The following NKX2-8 variants were observed in gnomAD, a reference collection of about 807,000 sequenced individuals.
NKX2-8 encodes homeobox protein Nkx-2.8.
Under a neutral mutation model 6.4 loss-of-function variants are expected in NKX2-8, and 8 were observed. The observed-to-expected ratio is 1.24, with a 90% CI of 0.73 to 2.24. The LOEUF is 2.24. NKX2-8 is among the 30% of genes most tolerant of loss of function. The pLI is 0.00. For missense variants in NKX2-8, 406 were observed against 351.1 expected (o/e 1.16, Z -1.25); for synonymous variants, 216 against 171.5 (o/e 1.26, Z -2.03).
In NKX2-8 at chr14:36,581,601, C is replaced by G; in HGVS notation, c.158-137G>C. On this transcript the variant is annotated intron_variant, in intron 1 of 1. Transcript: ENST00000258829. This position sits in a 1 kb window ranked among gnomAD's most constrained non-coding sequence, Gnocchi z 5.6. ...GAGACTTTCGGGATGAGGCCATTTC[C>G]TGAGTCCACATCTGGACATCCACCT... 1.4e-6 allele frequency: 1 copy of G among 710,320 alleles called. No individual in the cohort carries two copies. The highest frequency in any genetic ancestry group is 2.3e-6 in the Non-Finnish European group (1 of 432,860). 44.0% of individuals were successfully genotyped at this position (710,320 alleles called of 1,614,324 possible).
At position 36,581,233 on chromosome 14, in the gene NKX2-8, A is replaced by G. The variant is rs916630347; in HGVS notation, c.389T>C (p.Ile130Thr). Reference protein sequence around the residue: ...LLRLTPTQVKIWFQNHRYKLK... With the variant: ...LLRLTPTQVKTWFQNHRYKLK... The stretch of plus-strand genomic sequence containing the variant: ...CTTGTAGCGATGATTCTGGAACCAG[A>G]TCTTGACCTGCGTGGGCGTGAGGCG... Residue 130 changes from isoleucine (I) to threonine (T), a missense_variant, in exon 2 of 2, where the codon ATC (isoleucine) becomes ACC (threonine). Coordinates refer to ENST00000258829, the MANE Select transcript of NKX2-8 (RefSeq NM_014360.4). This position sits in a 1 kb window ranked among gnomAD's most constrained non-coding sequence, Gnocchi z 5.6. The G allele has an allele frequency of 6.2e-7, 1 of 1,611,244 alleles. No individual in the cohort carries two copies.
chr14:36,580,959 G>A lies in NKX2-8; in HGVS notation c.663C>T (p.Gly221=), dbSNP rs936248420. 3 of 1,348,644 alleles carry A rather than the reference G, an allele frequency of 2.2e-6. No individual in the cohort carries two copies. Among genetic ancestry groups the A allele is most frequent in the Non-Finnish European group, 2.8e-6 (3 of 1,059,628 alleles). 83.5% of individuals were successfully genotyped at this position (1,348,644 alleles called of 1,614,324 possible). ...YPAFGPGSAL[G]LFPAYQHLAS... is the part of the protein sequence containing the mutation. ...CTAAGTGCTGGTAGGCGGGGAAGAG[G>A]CCAAGCGCCGAGCCGGGACCGAAGG... The change falls in exon 2 of 2, where the codon GGC becomes GGT. Residue 221 remains glycine, a synonymous_variant. Coordinates refer to ENST00000258829, the MANE Select transcript of NKX2-8 (RefSeq NM_014360.4).
Position 36,582,359 on chromosome 14 carries a change from C to T in NKX2-8, c.31G>A (p.Val11Met), listed in dbSNP as rs775973523. The change falls in exon 1 of 2, where the codon GTG becomes ATG. Residue 11 changes from valine to methionine, a missense_variant. Physicochemically the swap from Val to Met is conservative, Grantham distance 21 (BLOSUM62 1). Coordinates refer to ENST00000258829, the MANE Select transcript of NKX2-8 (RefSeq NM_014360.4). ...TCGGGTAAATCTAGAAGGCTGCGCA[C>T]GGTGAAGCTCAGGCGTCCAGAGGTG... Reference protein sequence around the residue: MATSGRLSFTVRSLLDLPEQD... With the variant: MATSGRLSFTMRSLLDLPEQD... 2.5e-6 allele frequency: 4 copies of T among 1,579,984 alleles called. No homozygotes were observed. Among genetic ancestry groups the T allele is most frequent in the Non-Finnish European group, 3.5e-6 (4 of 1,159,328 alleles).
rs978455348 is a variant in NKX2-8, at chr14:36,580,988, G to T, written c.634C>A (p.Pro212Thr). 1.2e-5 allele frequency: 16 copies of T among 1,354,040 alleles called. No individual in the cohort carries two copies. Among genetic ancestry groups the T allele is most frequent in the Non-Finnish European group, 1.4e-5 (15 of 1,062,186 alleles). 83.9% of individuals were successfully genotyped at this position (1,354,040 alleles called of 1,614,324 possible). A position where few individuals can be genotyped will look rare whatever the true frequency, so the allele number is the denominator to read the frequency against. The change falls in exon 2 of 2, where the codon CCT becomes ACT. Residue 212 changes from proline to threonine, a missense_variant. Transcript: ENST00000258829. ...AGCGCCGAGCCGGGACCGAAGGCAG[G>T]GTAGCCCGGCAGAGGGCAGGCGGCG... ...PAAACPLPGY[P>T]AFGPGSALGL...
Position 36,580,883 on chromosome 14 carries a change from C to A in NKX2-8, c.*19G>T. The stretch of plus-strand genomic sequence containing the variant: ...CGCGCTCCAAAGTCGAGGGTAGCCC[C>A]AGGTGCCGCCCTGCGGCCTCACCAG... On this transcript the variant is annotated 3_prime_UTR_variant, in exon 2 of 2. Coordinates refer to ENST00000258829, the MANE Select transcript of NKX2-8 (RefSeq NM_014360.4). The A allele has an allele frequency of 1.5e-6, 2 of 1,290,962 alleles. No individual in the cohort carries two copies. Among genetic ancestry groups the A allele is most frequent in the Non-Finnish European group, 9.8e-7 (1 of 1,023,654 alleles). 80.0% of individuals were successfully genotyped at this position (1,290,962 alleles called of 1,614,324 possible).
Position 36,582,284 on chromosome 14 carries a change from G to T in NKX2-8, c.106C>A (p.Gln36Lys), listed in dbSNP as rs149915790. 2 of 1,608,286 alleles carry T rather than the reference G, an allele frequency of 1.2e-6. No homozygotes were observed. Among genetic ancestry groups the T allele is most frequent in the South Asian group, 1.1e-5 (1 of 90,452 alleles). ...PRREPEPRAP[Q>K]PDPCAAWLDS... ...AGCCAGGCGGCGCAGGGGTCGGGCT[G>T]GGGGGCGCGTGGTTCTGGCTCCCGC... Residue 36 changes from glutamine to lysine, a missense_variant, in exon 1 of 2, where the codon CAG becomes AAG. Coordinates refer to ENST00000258829, the MANE Select transcript of NKX2-8 (RefSeq NM_014360.4).
At position 36,581,352 on chromosome 14, in the gene NKX2-8, T is replaced by C. The variant is rs1005394345; in HGVS notation, c.270A>G (p.Leu90=). 2.5e-6 allele frequency: 4 copies of C among 1,570,214 alleles called. No individual in the cohort carries two copies. The highest frequency in any genetic ancestry group is 3.5e-6 in the Non-Finnish European group (4 of 1,157,354). ...DAEKRKKRRV[L]FSKAQTLELE... ...ACTCCAGCGTCTGCGCCTTGGAGAA[T>C]AGCACCCGCCGCTTCTTCCTTTTCT... Residue 90 remains leucine, a synonymous_variant, in exon 2 of 2, where the codon CTA becomes CTG. Transcript: ENST00000258829. This position sits in a 1 kb window ranked among gnomAD's most constrained non-coding sequence, Gnocchi z 5.6.
At position 36,582,347 on chromosome 14, in the gene NKX2-8, G is replaced by A. The variant is rs1240373082; in HGVS notation, c.43C>T (p.Leu15=). The part of the protein sequence containing the change: ...GRLSFTVRSL[L]DLPEQDAQHL... ...TGCGCGTCCTGCTCGGGTAAATCTA[G>A]AAGGCTGCGCACGGTGAAGCTCAGG... The change falls in exon 1 of 2, where the codon CTA becomes TTA. Residue 15 remains leucine, a synonymous_variant. Transcript: ENST00000258829. 1.9e-6 allele frequency: 3 copies of A among 1,598,624 alleles called. No homozygotes were observed. The Admixed American group carries it at 5.1e-5, about 27-fold the overall frequency.
In NKX2-8 at chr14:36,580,829, T is replaced by C; in HGVS notation, c.*73A>G. On this transcript the variant is annotated 3_prime_UTR_variant, in exon 2 of 2. Transcript: ENST00000258829. ...GGCGGACGGAGAGCGTTCCAGGCGT[T>C]CGGCTCCGGCCCTGCTCCAATCGCA... The C allele has an allele frequency of 1.8e-6, 2 of 1,115,670 alleles. No individual in the cohort carries two copies. Among genetic ancestry groups the C allele is most frequent in the Non-Finnish European group, 2.3e-6 (2 of 878,686 alleles). 69.1% of individuals were successfully genotyped at this position (1,115,670 alleles called of 1,614,324 possible).
At position 36,581,492 on chromosome 14, in the gene NKX2-8, G is replaced by A; in HGVS notation, c.158-28C>T. ...AGGGACAGCAAAGGAGACACGGGTG[G>A]GTGAGACGCCGGACCCTACGAGGGC... On this transcript the variant is annotated intron_variant, in intron 1 of 1. Transcript: ENST00000258829. This position sits in a 1 kb window ranked among gnomAD's most constrained non-coding sequence, Gnocchi z 5.6. The A allele has an allele frequency of 6.7e-7, 1 of 1,499,808 alleles. No homozygotes were observed. The highest frequency in any genetic ancestry group is 8.9e-7 in the Non-Finnish European group (1 of 1,125,710). 92.9% of individuals were successfully genotyped at this position (1,499,808 alleles called of 1,614,324 possible).
Position 36,581,291 on chromosome 14 carries a change from C to G in NKX2-8, c.331G>C (p.Ala111Pro). Reference sequence around the variant, plus strand: ...CTCGCCAGCTGCTCGCGCTCGGGCGCAGACAGGTACCGCTGCTGCCGGAAG... The same window carrying G: ...CTCGCCAGCTGCTCGCGCTCGGGCGGAGACAGGTACCGCTGCTGCCGGAAG... ...RRFRQQRYLS[A>P]PEREQLASLL... The change falls in exon 2 of 2, where the codon GCG becomes CCG. Residue 111 changes from alanine to proline, a missense_variant. By Grantham distance (27) the Ala-to-Pro change is conservative (BLOSUM62 -1). Coordinates refer to ENST00000258829, the MANE Select transcript of NKX2-8 (RefSeq NM_014360.4). The surrounding 1 kb of genome is among the most constrained non-coding windows in gnomAD (Gnocchi z 5.6). The G allele has an allele frequency of 6.3e-7, 1 of 1,599,062 alleles. No individual in the cohort carries two copies. Among genetic ancestry groups the G allele is most frequent in the Middle Eastern group, 1.7e-4 (1 of 6,024 alleles).
rs968951447 is a variant in NKX2-8 at position 36,582,276 on chromosome 14, G to A, written c.114C>T (p.Asp38=). The change falls in exon 1 of 2, where the codon GAC becomes GAT. Residue 38 remains aspartate (D), a synonymous_variant. Transcript: ENST00000258829. ...REPEPRAPQP[D]PCAAWLDSER... is the part of the protein sequence containing the mutation. ...CCGAATCCAGCCAGGCGGCGCAGGGGTCGGGCTGGGGGGCGCGTGGTTCTG... is the reference window on the plus strand; with the variant it reads ...CCGAATCCAGCCAGGCGGCGCAGGGATCGGGCTGGGGGGCGCGTGGTTCTG... The A allele has an allele frequency of 1.9e-6, 3 of 1,609,098 alleles. No homozygotes were observed. In the African/African-American group the frequency reaches 4.0e-5, roughly 22 times the overall value.
rs1172128594 is a variant in NKX2-8, at chr14:36,582,532, T to G, written c.-143A>C. On this transcript the variant is annotated 5_prime_UTR_variant, in exon 1 of 2. Transcript: ENST00000258829. Reference sequence around the variant, plus strand: ...AGCGCATTTACAGCGGAATCTCTGTTTATATAAACAGCTCTTCCCACCCAG... The same window carrying G: ...AGCGCATTTACAGCGGAATCTCTGTGTATATAAACAGCTCTTCCCACCCAG... 4 of 827,074 alleles carry G rather than the reference T, an allele frequency of 4.8e-6. No individual in the cohort carries two copies. The highest frequency in any genetic ancestry group is 7.2e-6 in the Non-Finnish European group (4 of 557,564). 51.2% of individuals were successfully genotyped at this position (827,074 alleles called of 1,614,324 possible). A position where few individuals can be genotyped will look rare whatever the true frequency, so the allele number is the denominator to read the frequency against.
chr14:36,582,100 G>T, intron 1 of NKX2-8, 133 bp downstream of exon 1: 1 of 1,027,502 alleles, frequency 9.7e-7, no homozygotes, highest in South Asian at 1.8e-5. Context: ...CAGGGCTCCC[G>T]TTTCCAAGAC....
At position 36,581,118 on chromosome 14, in the gene NKX2-8, G is replaced by A. The variant is rs1024790632; in HGVS notation, c.504C>T (p.Arg168=). The change falls in exon 2 of 2, where the codon CGC becomes CGT. Residue 168 remains arginine, a synonymous_variant. Transcript: ENST00000258829. This position sits in a 1 kb window ranked among gnomAD's most constrained non-coding sequence, Gnocchi z 5.6. The part of the protein sequence containing the change: ...ELHAAPGLLR[R]VVVPVLVRDG... ...CGCGAACAAGCACCGGCACCACCAC[G>A]CGACGCAGCAGGCCGGGCGCGGCGT... is the stretch of plus-strand genomic sequence containing the variant. The A allele has an allele frequency of 3.4e-6, 5 of 1,478,288 alleles. No individual in the cohort carries two copies. Among genetic ancestry groups the A allele is most frequent in the South Asian group, 1.4e-5 (1 of 73,462 alleles). 91.6% of individuals were successfully genotyped at this position (1,478,288 alleles called of 1,614,324 possible).
chr14:36,582,454 C>A lies in NKX2-8; in HGVS notation c.-65G>T. 7.1e-7 allele frequency: 1 copy of A among 1,412,130 alleles called. No homozygotes were observed. The highest frequency in any genetic ancestry group is 9.4e-7 in the Non-Finnish European group (1 of 1,068,796). The allele number at this position is 1,412,130 out of a possible 1,614,324, so 87.5% of individuals were successfully genotyped here. A position where few individuals can be genotyped will look rare whatever the true frequency, so the allele number is the denominator to read the frequency against. Reference sequence around the variant, plus strand: ...GAACGGAGGGGCGGCCGGGACGCCGCTCCTACGGATGGGCGTGGGAGGCGC... The same window carrying A: ...GAACGGAGGGGCGGCCGGGACGCCGATCCTACGGATGGGCGTGGGAGGCGC... On this transcript the variant is annotated 5_prime_UTR_variant, in exon 1 of 2. Coordinates refer to ENST00000258829, the MANE Select transcript of NKX2-8 (RefSeq NM_014360.4).
Position 36,582,285 on chromosome 14 carries a change from G to A in NKX2-8, c.105C>T (p.Pro35=). ...LPRREPEPRA[P]QPDPCAAWLD... ...GCCAGGCGGCGCAGGGGTCGGGCTG[G>A]GGGGCGCGTGGTTCTGGCTCCCGCC... The change falls in exon 1 of 2, where the codon CCC becomes CCT. Residue 35 remains proline, a synonymous_variant. Transcript: ENST00000258829. The A allele has an allele frequency of 1.2e-6, 2 of 1,608,820 alleles. No individual in the cohort carries two copies. The highest frequency in any genetic ancestry group is 1.7e-6 in the Non-Finnish European group (2 of 1,177,518).
Position 36,581,534 on chromosome 14 carries a change from G to T in NKX2-8, c.158-70C>A. 2 of 1,399,162 alleles carry T rather than the reference G, an allele frequency of 1.4e-6. No homozygotes were observed. The highest frequency in any genetic ancestry group is 1.9e-6 in the Non-Finnish European group (2 of 1,051,404). 86.7% of individuals were successfully genotyped at this position (1,399,162 alleles called of 1,614,324 possible). A position where few individuals can be genotyped will look rare whatever the true frequency, so the allele number is the denominator to read the frequency against. ...TACGAGGGCCTGCTGCCCTTCTGGCGCGGGCGTGGAGGCACTGGCCAGAGG... is the reference window on the plus strand; with the variant it reads ...TACGAGGGCCTGCTGCCCTTCTGGCTCGGGCGTGGAGGCACTGGCCAGAGG... On this transcript the variant is annotated intron_variant, in intron 1 of 1. Transcript: ENST00000258829. The surrounding 1 kb of genome is among the most constrained non-coding windows in gnomAD (Gnocchi z 5.6).
In NKX2-8 at chr14:36,581,002, G is replaced by A; in HGVS notation, c.620C>T (p.Pro207Leu). ...KCGAPPAAACPLPGYPAFGPG... is the reference protein window; with the variant it reads ...KCGAPPAAACLLPGYPAFGPG... Reference sequence around the variant, plus strand: ...ACCGAAGGCAGGGTAGCCCGGCAGAGGGCAGGCGGCGGCTGGAGGGGCGCC... The same window carrying A: ...ACCGAAGGCAGGGTAGCCCGGCAGAAGGCAGGCGGCGGCTGGAGGGGCGCC... The change falls in exon 2 of 2, where the codon CCT (proline) becomes CTT (leucine). Residue 207 changes from proline (P) to leucine (L), a missense_variant. Physicochemically the swap from Pro to Leu is moderately conservative, Grantham distance 98 (BLOSUM62 -3). Coordinates refer to ENST00000258829, the MANE Select transcript of NKX2-8 (RefSeq NM_014360.4). This position sits in a 1 kb window ranked among gnomAD's most constrained non-coding sequence, Gnocchi z 5.6. 9.6e-6 allele frequency: 13 copies of A among 1,352,044 alleles called. No homozygotes were observed. The highest frequency in any genetic ancestry group is 1.2e-5 in the Non-Finnish European group (13 of 1,060,756). 83.8% of individuals were successfully genotyped at this position (1,352,044 alleles called of 1,614,324 possible).
Sources: allele counts gnomAD v4.1 joint callset, GRCh38; gene constraint gnomAD v4.1.1; non-coding constraint Gnocchi (gnomAD v3.1); transcripts MANE v1.5; gene names NCBI Gene and HGNC (gene_info 2026-07-23, HGNC 2026-07-21).